The following CD109 variants were observed in gnomAD, a reference collection of about 807,000 sequenced individuals.
CD109 encodes CD109 molecule.
In CD109, 149 loss-of-function variants were observed where a neutral mutation model predicts 165.8. The ratio of observed to expected loss-of-function variants is 0.90; its 90% CI spans 0.79 to 1.03. The LOEUF (loss-of-function observed/expected upper bound fraction) is 1.03. Among genes scored for constraint, CD109 ranks in the 50% least tolerant of loss-of-function variants. The pLI, the probability that CD109 is intolerant of heterozygous loss-of-function variation, is 0.00. For synonymous variants in CD109, 585 were observed against 592.1 expected (o/e 0.99, Z 0.18); for missense variants, 1,712 against 1,677.8 (o/e 1.02, Z -0.36).
chr6:73,779,773 T>C (rs1774407910), intron 15 of CD109, among the ~76,000 whole-genome samples: 1 of 152,082 alleles, frequency 6.6e-6, no homozygotes, highest in Non-Finnish European at 1.5e-5. Flanking sequence ...ATTCTAATTC[T>C]ATGTTAATTT....
chr6:73,799,124 T>G (rs900844053), intron 23 of CD109, among the ~76,000 whole-genome samples: 1 of 152,130 alleles, frequency 6.6e-6, no homozygotes, highest in Non-Finnish European at 1.5e-5. Flanking sequence ...TTGTGAACAT[T>G]AATTATTTTG....
chr6:73,814,929 A>G (rs1775882426), intron 29 of CD109, 52 bp from the exon 30 acceptor site: 5 of 1,373,434 alleles, frequency 3.6e-6, no homozygotes, highest in Non-Finnish European at 4.8e-6. Flanking sequence ...AGAAGGCAAA[A>G]TGATGGAAAT....
chr6:73,729,375 A>T (rs1205440298), intron 3 of CD109, among the ~76,000 whole-genome samples: 1 of 151,522 alleles, frequency 6.6e-6, no homozygotes, highest in East Asian at 1.9e-4. Context: ...GTGTGTCTGA[A>T]ATGATTTTAA....
intron 13 of CD109, among the ~76,000 whole-genome samples, chr6:73,767,364 A>G (rs1333605998): frequency 2.6e-5 from 4 of 152,330 alleles, no homozygotes; most frequent in African/African-American, 9.6e-5. Context: ...AGCTCCATCC[A>G]TCTTCCTGCA....
chr6:73,799,499 G>T (rs890013349), intron 23 of CD109, among the ~76,000 whole-genome samples: 2 of 152,164 alleles, frequency 1.3e-5, no homozygotes, highest in Admixed American at 6.5e-5. Context: ...GAAGCATAGC[G>T]CCGGCATTTC....
At position 73,816,744 on chromosome 6, in the gene CD109, C is replaced by A. The variant is rs114968446; in HGVS notation, c.3911+1621C>A. On this transcript the variant is annotated intron_variant, in intron 30 of 32. Coordinates refer to ENST00000287097, the MANE Select transcript of CD109 (RefSeq NM_133493.5). ...TAATGGAAACAATCCCCTAAGCAAGCCTAAAATTCTAATTTTGAAAAGGGC... is the reference window on the plus strand; with the variant it reads ...TAATGGAAACAATCCCCTAAGCAAGACTAAAATTCTAATTTTGAAAAGGGC... Among the ~76,000 whole-genome samples the A allele has an allele frequency of 4.9e-3, 743 of 152,254 alleles. 6 individuals are homozygous for A. Among genetic ancestry groups the A allele is most frequent in the African/African-American group, 0.017 (692 of 41,544 alleles).
At position 73,756,680 on chromosome 6, in the gene CD109, A is replaced by G. The variant is rs370813601; in HGVS notation, c.671A>G (p.Tyr224Cys). 42 of 1,544,796 alleles carry G rather than the reference A, an allele frequency of 2.7e-5. No individual in the cohort carries two copies. The East Asian group carries it at 2.9e-4, about 11-fold the overall frequency. Residue 224 changes from tyrosine (Y) to cysteine (C), a missense_variant and splice_region_variant, in exon 6 of 33, where the codon TAT becomes TGT. By Grantham distance (194) the Tyr-to-Cys change is radical. Transcript: ENST00000287097. ...TYYQSFQVSE[Y>C]VLPKFEVTLQ... ...TATCAATCATTTCAGGTTTCAGAAT[A>G]TGGTAAGAGTTCCTCAATCTATTTT...
In CD109 at chr6:73,705,030, A is replaced by G. The variant is rs565710625; in HGVS notation, c.247+7458A>G. The stretch of plus-strand genomic sequence containing the variant: ...GGAGGGAACAGTTACTTCACGTACT[A>G]GAGACGGGAAGGGTGTGCCGGAGGA... On this transcript the variant is annotated intron_variant, in intron 2 of 32. Transcript: ENST00000287097. Among the ~76,000 whole-genome samples, 22 of 152,290 alleles carry G rather than the reference A, an allele frequency of 1.4e-4. No homozygotes were observed. The South Asian group carries it at 4.6e-3, about 32-fold the overall frequency.
At chr6:73,687,864 A>G in the CD109 span, among the ~76,000 whole-genome samples, 350 of 152,336 alleles carry the variant, frequency 2.3e-3, 1 homozygote, top group African/African-American at 8.1e-3. Context: ...AAGGAAAAGG[A>G]GAAACACAAA....
chr6:73,797,720 G>A (rs1222184046), intron 23 of CD109, among the ~76,000 whole-genome samples: 1 of 152,076 alleles, frequency 6.6e-6, no homozygotes, highest in Non-Finnish European at 1.5e-5. Flanking sequence ...TTTGTGAGCA[G>A]TATTTTTATC....
intron 2 of CD109, among the ~76,000 whole-genome samples, chr6:73,710,264 G>A (rs2150155109): frequency 6.6e-6 from 1 of 152,248 alleles, no homozygotes; most frequent in South Asian, 2.1e-4. Flanking sequence ...CAAAATCAAT[G>A]TGCAAAAATC....
rs1422664881 is a variant in CD109 at position 73,818,439 on chromosome 6, A to T, written c.3963A>T (p.Leu1321Phe). Residue 1321 changes from leucine to phenylalanine, a missense_variant, in exon 31 of 33, where the codon TTA becomes TTT. Coordinates refer to ENST00000287097, the MANE Select transcript of CD109 (RefSeq NM_133493.5). ...SGMALMEVNLLSGFMVPSEAI... is the reference protein window; with the variant it reads ...SGMALMEVNLFSGFMVPSEAI... ...TGGCTCTTATGGAAGTTAACCTATT[A>T]AGTGGCTTTATGGTGCCTTCAGAAG... 1 of 1,613,822 alleles carries T rather than the reference A, an allele frequency of 6.2e-7. No individual in the cohort carries two copies. The highest frequency in any genetic ancestry group is 8.5e-7 in the Non-Finnish European group (1 of 1,179,918).
Position 73,823,710 on chromosome 6 carries a change from AC to A in CD109, c.*78del. 7.4e-7 allele frequency: 1 copy of A among 1,342,872 alleles called. No homozygotes were observed. The highest frequency in any genetic ancestry group is 1.0e-6 in the Non-Finnish European group (1 of 978,280). 83.2% of individuals were successfully genotyped at this position (1,342,872 alleles called of 1,614,324 possible). A position where few individuals can be genotyped will look rare whatever the true frequency, so the allele number is the denominator to read the frequency against. Reference sequence around the variant, plus strand: ...GATTGTTTTGTTTTCGTAGAAGAATACTGCTTCTATTTTGAAAAAAGAGTTT... The same window carrying A: ...GATTGTTTTGTTTTCGTAGAAGAATATGCTTCTATTTTGAAAAAAGAGTTT... On this transcript the variant is annotated 3_prime_UTR_variant, in exon 33 of 33. Coordinates refer to ENST00000287097, the MANE Select transcript of CD109 (RefSeq NM_133493.5).
chr6:73,787,195 T>C (rs778295611), intron 20 of CD109, 39 bp from the exon 21 acceptor site: 1 of 1,330,318 alleles, frequency 7.5e-7, no homozygotes, highest in Admixed American at 1.8e-5. Flanking sequence ...CTGAAGAGCA[T>C]CTATTATACA....
In CD109 at chr6:73,810,080, C is replaced by T. The variant is rs1775699069; in HGVS notation, c.3452C>T (p.Ser1151Leu). Residue 1151 changes from serine (S) to leucine (L), a missense_variant, in exon 27 of 33, where the codon TCA (serine) becomes TTA (leucine). Coordinates refer to ENST00000287097, the MANE Select transcript of CD109 (RefSeq NM_133493.5). ...GAAGTTGCAGCCTATGCACTGCTCT[C>T]ACACTTCTTACAATTTCAGACTTCT... ...DIEVAAYALL[S>L]HFLQFQTSEG... The T allele has an allele frequency of 1.2e-6, 2 of 1,610,896 alleles. No individual in the cohort carries two copies. The highest frequency in any genetic ancestry group is 4.5e-5 in the East Asian group (2 of 44,734).
chr6:73,747,574 C>A (rs1297642351), intron 5 of CD109, among the ~76,000 whole-genome samples: 3 of 152,188 alleles, frequency 2.0e-5, no homozygotes, highest in African/African-American at 7.2e-5. Flanking sequence ...TCAAATTGGC[C>A]TCTCTGAGAG....
Position 73,811,283 on chromosome 6 carries a change from C to T in CD109, c.3702+136C>T. Reference sequence around the variant, plus strand: ...GTAGAGTAATAGGGAGAAGTGGTGCCCTTCTTTGGCTGAATTTGCTGAGCT... The same window carrying T: ...GTAGAGTAATAGGGAGAAGTGGTGCTCTTCTTTGGCTGAATTTGCTGAGCT... On this transcript the variant is annotated intron_variant, in intron 28 of 32. Coordinates refer to ENST00000287097, the MANE Select transcript of CD109 (RefSeq NM_133493.5). 3.9e-6 allele frequency: 4 copies of T among 1,022,140 alleles called. No individual in the cohort carries two copies. In the South Asian group the frequency reaches 6.5e-5, roughly 17 times the overall value. The allele number at this position is 1,022,140 out of a possible 1,614,324, so 63.3% of individuals were successfully genotyped here.
In CD109 at chr6:73,725,048, A is replaced by G. The variant is rs570478695; in HGVS notation, c.276+1769A>G. Among the ~76,000 whole-genome samples, 6 of 152,306 alleles carry G rather than the reference A, an allele frequency of 3.9e-5. No individual in the cohort carries two copies. In the East Asian group the frequency reaches 1.2e-3, roughly 29 times the overall value. On this transcript the variant is annotated intron_variant, in intron 3 of 32. Transcript: ENST00000287097. ...ATCTATTCTGTTTGTTACATATTAT[A>G]TTTGTACTTTCTTTCCTAAGAAATA...
At chr6:73,761,809 C>T (rs1773644660) in intron 7 of CD109, among the ~76,000 whole-genome samples, 2 of 151,984 alleles carry the variant, frequency 1.3e-5, no homozygotes, top group Admixed American at 1.3e-4. Flanking sequence ...GCATGAGCCA[C>T]CGTGCCCATC....
Sources: gnomAD v4.1 joint callset for allele counts (sites outside exome capture counted in the v4.1 genomes callset) on GRCh38, gnomAD v4.1.1 for gene constraint, MANE v1.5 for transcripts, NCBI Gene and HGNC (gene_info 2026-07-23, HGNC 2026-07-21) for gene names.